ITK: variants seen among roughly 807,000 people sequenced by gnomAD.
The protein encoded by ITK is IL2 inducible T cell kinase, also known as tyrosine-protein kinase ITK/TSK.
In ITK, 45 loss-of-function variants were observed where a neutral mutation model predicts 87.6. The observed-to-expected ratio is 0.51, with a 90% confidence interval of 0.40 to 0.66. The LOEUF is 0.66. Among genes scored for constraint, ITK ranks in the 30% least tolerant of loss-of-function variants. The pLI is 0.00. For synonymous variants in ITK, 303 were observed against 273.6 expected (o/e 1.11, Z -1.06); for missense variants, 605 against 766.3 (o/e 0.79, Z 2.48).
intron 1 of ITK, among the ~76,000 whole-genome samples, chr5:157,200,345 TAAC>T (rs1753940301): frequency 6.6e-6 from 1 of 152,184 alleles, no homozygotes; most frequent in Middle Eastern, 3.2e-3. Flanking sequence ...GCAGACAGAA[TAAC>T]AAGTAAGAAT....
At chr5:157,244,955 G>C (rs1462422141) in intron 13 of ITK, 1 of 215,446 alleles carries the variant, frequency 4.6e-6, no homozygotes, top group Non-Finnish European at 9.5e-6. Context: ...GCTGGGTGCG[G>C]TGGCTCATGC....
chr5:157,238,023 T>A, intron 8 of ITK, 86 bp from the exon 9 acceptor site: 3 of 982,710 alleles, frequency 3.1e-6, no homozygotes, highest in Non-Finnish European at 4.9e-6. Context: ...CAGTATTTCC[T>A]CCTTCTGTGG....
At chr5:157,247,492 C>T (rs1755045776) in intron 15 of ITK, among the ~76,000 whole-genome samples, 3 of 152,204 alleles carry the variant, frequency 2.0e-5, no homozygotes. Flanking sequence ...GGAGCAATGG[C>T]CACTTTAGCA....
intron 1 of ITK, among the ~76,000 whole-genome samples, chr5:157,208,227 G>T (rs984739176): frequency 6.6e-6 from 1 of 152,188 alleles, no homozygotes; most frequent in Admixed American, 6.5e-5. Context: ...TAGGTAACAT[G>T]TAACATCATT....
chr5:157,210,971 T>G (rs943392756), intron 2 of ITK, among the ~76,000 whole-genome samples: 31 of 152,196 alleles, frequency 2.0e-4, no homozygotes, highest in African/African-American at 7.2e-4. Context: ...GCCAGAAATA[T>G]TTTTTTAATC....
chr5:157,183,962 A>C (rs1467210320), intron 1 of ITK, among the ~76,000 whole-genome samples: 1 of 152,206 alleles, frequency 6.6e-6, no homozygotes, highest in Non-Finnish European at 1.5e-5. Context: ...TTGAGGTTTT[A>C]CTTTAACATG....
rs370189090 is a variant in ITK, at chr5:157,232,083, CA to C, written c.714-255del. Among the ~76,000 whole-genome samples the C allele has an allele frequency of 6.4e-4, 98 of 152,242 alleles. No individual in the cohort carries two copies. In the South Asian group the frequency reaches 6.8e-3, roughly 11 times the overall value. On this transcript the variant is annotated intron_variant, in intron 7 of 16. Transcript: ENST00000422843. ...GCATCAACAATGATCAGTATTTTGC[CA>C]ATTCTGTTTCATATGTTTCTTTCCA...
At chr5:157,201,816 A>G (rs543060822) in intron 1 of ITK, among the ~76,000 whole-genome samples, 1 of 152,212 alleles carries the variant, frequency 6.6e-6, no homozygotes, top group South Asian at 2.1e-4. Flanking sequence ...ATGTCAAAAG[A>G]TACAAGATCA....
chr5:157,181,305 G>T (rs976058940), intron 1 of ITK, among the ~76,000 whole-genome samples, 190 bp downstream of exon 1: 14 of 152,194 alleles, frequency 9.2e-5, no homozygotes, highest in African/African-American at 3.4e-4. Context: ...AAATGGTGGT[G>T]CTAGGTGATT....
In ITK at chr5:157,201,859, A is replaced by C. The variant is rs141499854; in HGVS notation, c.139-7030A>C. Among the ~76,000 whole-genome samples, 1,035 of 152,198 alleles carry C rather than the reference A, an allele frequency of 6.8e-3. 12 individuals are homozygous for C. Among genetic ancestry groups the C allele is most frequent in the African/African-American group, 0.024 (992 of 41,546 alleles). ...AATTAATTTTTTTAACTTTTATTTT[A>C]GGTTCAGAGGTACATGTGCAGGTTT... On this transcript the variant is annotated intron_variant, in intron 1 of 16. Transcript: ENST00000422843.
chr5:157,245,828 T>C, intron 14 of ITK, 38 bp downstream of exon 14: 2 of 1,611,178 alleles, frequency 1.2e-6, no homozygotes, highest in African/African-American at 1.3e-5. Flanking sequence ...GTCTCAGGAA[T>C]GGGACTGAGG....
At chr5:157,188,252 A>G (rs943208009) in intron 1 of ITK, among the ~76,000 whole-genome samples, 1 of 152,174 alleles carries the variant, frequency 6.6e-6, no homozygotes, top group Non-Finnish European at 1.5e-5. Context: ...TTATCCACAC[A>G]ACACCTAGAA....
intron 7 of ITK, among the ~76,000 whole-genome samples, chr5:157,228,796 T>C (rs538873896): frequency 1.6e-4 from 24 of 152,202 alleles, no homozygotes; most frequent in African/African-American, 5.8e-4. Context: ...TCCAGCTAAT[T>C]TGTAAATTTT....
At position 157,228,360 on chromosome 5, in the gene ITK, G is replaced by A. The variant is rs1215926130; in HGVS notation, c.712G>A (p.Glu238Lys). The A allele has an allele frequency of 1.3e-6, 2 of 1,567,636 alleles. No individual in the cohort carries two copies. Among genetic ancestry groups the A allele is most frequent in the Non-Finnish European group, 1.8e-6 (2 of 1,137,854 alleles). The stretch of plus-strand genomic sequence containing the variant: ...ATCTCCAAATAATCTGGAAACCTAT[G>A]AGTAAGATATTTTATTTGTTTTTGG... ...EKSPNNLETY[E>K]WYNKSISRDK... The change falls in exon 7 of 17, where the codon GAG becomes AAG. Residue 238 changes from glutamate (E) to lysine (K), a missense_variant and splice_region_variant. Around this residue, in one of 3 missense-constraint regions of ITK, gnomAD observed 464 missense variants for 578.0 expected, o/e 0.80. Coordinates refer to ENST00000422843, the MANE Select transcript of ITK (RefSeq NM_005546.4).
chr5:157,220,269 C>A (rs1311513354), intron 5 of ITK, among the ~76,000 whole-genome samples: 2 of 152,148 alleles, frequency 1.3e-5, no homozygotes, highest in Admixed American at 6.5e-5. Flanking sequence ...GAGTGAAGGA[C>A]AATCCTAGGC....
chr5:157,188,140 T>C (rs1753683083), intron 1 of ITK, among the ~76,000 whole-genome samples: 1 of 152,160 alleles, frequency 6.6e-6, no homozygotes, highest in Non-Finnish European at 1.5e-5. Context: ...GCATTTTTAC[T>C]TGTGACATTG....
intron 6 of ITK, among the ~76,000 whole-genome samples, chr5:157,223,979 A>C (rs1754480790): frequency 6.6e-6 from 1 of 152,214 alleles, no homozygotes; most frequent in Non-Finnish European, 1.5e-5. Context: ...CCCCCACATC[A>C]AGTCCAAAAG....
chr5:157,182,879 C>A (rs905770881), intron 1 of ITK, among the ~76,000 whole-genome samples: 3 of 152,170 alleles, frequency 2.0e-5, no homozygotes, highest in Admixed American at 2.0e-4. Flanking sequence ...ATCACAAAAC[C>A]AGATGGCCTT....
chr5:157,209,186 G>T (rs947341532), intron 2 of ITK, among the ~76,000 whole-genome samples, 193 bp downstream of exon 2: 1 of 152,110 alleles, frequency 6.6e-6, no homozygotes, highest in Non-Finnish European at 1.5e-5. Flanking sequence ...CAAAAAATTA[G>T]CTGGGCGTAC....
Sources: gnomAD v4.1 joint callset for allele counts (sites outside exome capture counted in the v4.1 genomes callset) on GRCh38, gnomAD v4.1.1 for gene constraint, gnomAD v4.1.1 regional missense constraint, MANE v1.5 for transcripts, NCBI Gene and HGNC (gene_info 2026-07-23, HGNC 2026-07-21) for gene names.